TPP2: variants seen among roughly 807,000 people sequenced by gnomAD.
TPP2 encodes the protein tripeptidyl-peptidase 2.
A neutral mutation model predicts 155.9 loss-of-function variants in TPP2; 34 were observed. That is an observed-to-expected ratio of 0.22 (90% CI 0.17 to 0.29). The LOEUF (loss-of-function observed/expected upper bound fraction) is 0.29, where lower values mean the gene tolerates loss of function less well. Ranked by LOEUF, TPP2 falls within the 10% of genes least tolerant of loss-of-function variation. The probability of loss-of-function intolerance (pLI) is 1.00; values close to 1 mark genes in which losing one functional copy is unlikely to be tolerated. For missense variants in TPP2, 1,028 were observed against 1,522.3 expected (o/e 0.68, Z 5.40); for synonymous variants, 510 against 529.4 (o/e 0.96, Z 0.50).
At chr13:102,652,393 C>CATACAT (rs1883558282) in intron 24 of TPP2, among the ~76,000 whole-genome samples, 1 of 51,258 alleles carries the variant, frequency 2.0e-5, no homozygotes, top group Non-Finnish European at 4.3e-5. Context: ...ACAAAACATA[C>CATACAT]ATACATATAT....
intron 3 of TPP2, 119 bp downstream of exon 3, chr13:102,614,315 G>A: frequency 1.2e-6 from 1 of 820,844 alleles, no homozygotes; most frequent in Non-Finnish European, 1.8e-6. Flanking sequence ...AGTTTTTTGG[G>A]TGGTTGGTGG....
At chr13:102,659,752 C>T (rs966071337) in intron 25 of TPP2, among the ~76,000 whole-genome samples, 4 of 152,104 alleles carry the variant, frequency 2.6e-5, no homozygotes, top group Admixed American at 2.0e-4. Flanking sequence ...AATTTGAATC[C>T]ACATTGGTGA....
chr13:102,627,818 C>A (rs780824681), intron 7 of TPP2, 30 bp from the exon 8 acceptor site: 3 of 1,541,932 alleles, frequency 1.9e-6, no homozygotes, highest in Non-Finnish European at 2.7e-6. Flanking sequence ...TAAATTGCTG[C>A]CTAAACTAGA....
intron 29 of TPP2, 95 bp downstream of exon 29, chr13:102,676,510 CT>C: frequency 6.9e-6 from 10 of 1,453,330 alleles, no homozygotes; most frequent in Non-Finnish European, 9.4e-6. Flanking sequence ...TATAGCAATA[CT>C]GGTTTTATTG....
intron 4 of TPP2, 134 bp downstream of exon 4, chr13:102,616,634 A>T (rs914839992): frequency 1.2e-4 from 75 of 651,478 alleles, no homozygotes; most frequent in Middle Eastern, 3.2e-4. Context: ...TAATTTTACT[A>T]ATTTTTCCTT....
chr13:102,659,679 AC>A (rs1884081998), intron 25 of TPP2, among the ~76,000 whole-genome samples: 1 of 152,218 alleles, frequency 6.6e-6, no homozygotes, highest in South Asian at 2.1e-4. Context: ...TTGCTAGCAA[AC>A]CCACCTTATA....
rs1313229677 is a variant in TPP2 at position 102,630,070 on chromosome 13, T to G, written c.1145-26T>G. On this transcript the variant is annotated intron_variant, in intron 9 of 29. Transcript: ENST00000376052. Reference sequence around the variant, plus strand: ...ATCAGGATCCCCGTTTGTTTTCTTTTCTTAATGATTAAATCCATCCCACAG... The same window carrying G: ...ATCAGGATCCCCGTTTGTTTTCTTTGCTTAATGATTAAATCCATCCCACAG... The G allele has an allele frequency of 3.7e-6, 6 of 1,600,854 alleles. No homozygotes were observed. The Admixed American group carries it at 1.0e-4, about 27-fold the overall frequency.
chr13:102,618,316 T>A (rs1277060994), intron 4 of TPP2, among the ~76,000 whole-genome samples: 1 of 152,216 alleles, frequency 6.6e-6, no homozygotes, highest in Non-Finnish European at 1.5e-5. Context: ...TGAGATAGAA[T>A]AGGTCCTGAT....
At chr13:102,620,753 A>G (rs917178424) in intron 5 of TPP2, among the ~76,000 whole-genome samples, 1 of 152,124 alleles carries the variant, frequency 6.6e-6, no homozygotes, top group Non-Finnish European at 1.5e-5. Flanking sequence ...AGAGCCTCAG[A>G]CTCATTGTCA....
At chr13:102,644,364 A>G (rs557611428) in intron 17 of TPP2, among the ~76,000 whole-genome samples, 193 bp from the exon 18 acceptor site, 296 of 152,342 alleles carry the variant, frequency 1.9e-3, no homozygotes, top group African/African-American at 6.8e-3. Flanking sequence ...ATAACTATGT[A>G]TATTTAAATA....
chr13:102,656,508 A>C (rs1159255197), intron 24 of TPP2, among the ~76,000 whole-genome samples: 2 of 152,072 alleles, frequency 1.3e-5, no homozygotes, highest in African/African-American at 4.8e-5. Flanking sequence ...GTTACCTGAC[A>C]GTCATTCTAT....
intron 29 of TPP2, among the ~76,000 whole-genome samples, 184 bp from the exon 30 acceptor site, chr13:102,678,043 T>A (rs58920777): frequency 1.2e-4 from 18 of 152,192 alleles, no homozygotes; most frequent in African/African-American, 4.3e-4. Flanking sequence ...GTAGGAAAGT[T>A]GGTTGATAGT....
chr13:102,609,473 C>T, intron 2 of TPP2, among the ~76,000 whole-genome samples: 1 of 141,686 alleles, frequency 7.1e-6, no homozygotes, highest in Non-Finnish European at 1.5e-5. Context: ...TCTCAACTCA[C>T]TGCAACATCT....
intron 10 of TPP2, among the ~76,000 whole-genome samples, chr13:102,631,854 T>G (rs1379672506): frequency 1.3e-5 from 2 of 152,250 alleles, no homozygotes; most frequent in Non-Finnish European, 2.9e-5. Flanking sequence ...TGTTCTGTAA[T>G]CTTTGAAAAA....
chr13:102,674,396 C>G lies in TPP2; in HGVS notation c.3485C>G (p.Ala1162Gly), dbSNP rs768360752. Residue 1162 changes from alanine to glycine, a missense_variant, in exon 28 of 30, where the codon GCA becomes GGA. By Grantham distance (60) the Ala-to-Gly change is moderately conservative. Coordinates refer to ENST00000376052, the MANE Select transcript of TPP2 (RefSeq NM_001330588.2). ...QAQDGAISTD[A>G]EGKEEEGESP... ...CAAGACGGAGCCATTTCCACTGATG[C>G]AGAAGGAAAGGAGGAGGAAGGAGAA... The G allele has an allele frequency of 5.6e-6, 9 of 1,613,920 alleles. No homozygotes were observed. In the South Asian group the frequency reaches 8.8e-5, roughly 16 times the overall value.
At chr13:102,599,163 T>C (rs1331457350) in intron 1 of TPP2, among the ~76,000 whole-genome samples, 1 of 152,190 alleles carries the variant, frequency 6.6e-6, no homozygotes, top group African/African-American at 2.4e-5. Context: ...GTACTCAATA[T>C]TTAGCTCCCA....
At chr13:102,645,219 A>G (rs1883024998) in intron 19 of TPP2, among the ~76,000 whole-genome samples, 1 of 152,200 alleles carries the variant, frequency 6.6e-6, no homozygotes, top group South Asian at 2.1e-4. Flanking sequence ...GATGGTGGAT[A>G]GCCGATCCCA....
In TPP2 at chr13:102,638,225, A is replaced by G; in HGVS notation, c.1837-14A>G. On this transcript the variant is annotated splice_polypyrimidine_tract_variant and intron_variant, in intron 14 of 29. Coordinates refer to ENST00000376052, the MANE Select transcript of TPP2 (RefSeq NM_001330588.2). ...TGTTTATGGATATTGACACTTACCG[A>G]TTCTTTTTTCAAGGTATGTGGCTAT... is the stretch of plus-strand genomic sequence containing the variant. The G allele has an allele frequency of 6.2e-7, 1 of 1,610,370 alleles. No homozygotes were observed.
intron 1 of TPP2, 139 bp downstream of exon 1, chr13:102,597,342 C>T: frequency 2.2e-6 from 1 of 462,508 alleles, no homozygotes. Context: ...CCGGGGTGGG[C>T]AGAGGTCAGA....
Sources: gnomAD v4.1 joint callset for allele counts (sites outside exome capture counted in the v4.1 genomes callset) on GRCh38, gnomAD v4.1.1 for gene constraint, MANE v1.5 for transcripts, NCBI Gene and HGNC (gene_info 2026-07-23, HGNC 2026-07-21) for gene names.